The following RHOJ variants were observed in gnomAD, a reference collection of about 807,000 sequenced individuals.
RHOJ encodes the protein ras homolog family member J.
A neutral mutation model predicts 23.4 loss-of-function variants in RHOJ; 11 were observed. The observed-to-expected ratio is 0.47, with a 90% CI of 0.30 to 0.78. The LOEUF (loss-of-function observed/expected upper bound fraction) is 0.78. Ranked by LOEUF, RHOJ falls within the 30% of genes least tolerant of loss-of-function variation. The pLI, the probability that RHOJ is intolerant of heterozygous loss-of-function variation, is 0.08. For missense variants in RHOJ, 254 were observed against 273.4 expected (o/e 0.93, Z 0.50); for synonymous variants, 102 against 102.7 (o/e 0.99, Z 0.04).
chr14:63,261,718 G>A (rs1895276477), intron 1 of RHOJ, among the ~76,000 whole-genome samples: 1 of 151,862 alleles, frequency 6.6e-6, no homozygotes, highest in East Asian at 1.9e-4. Flanking sequence ...TGCAATTACA[G>A]GCATGAGCCA....
intron 1 of RHOJ, among the ~76,000 whole-genome samples, chr14:63,256,489 C>T (rs560543637): frequency 3.3e-5 from 5 of 152,242 alleles, no homozygotes; most frequent in Non-Finnish European, 7.4e-5. Flanking sequence ...GCCAGAGCGA[C>T]AGCAAAGGTA....
chr14:63,213,062 G>C (rs1894275729), intron 1 of RHOJ, among the ~76,000 whole-genome samples: 1 of 152,220 alleles, frequency 6.6e-6, no homozygotes, highest in Non-Finnish European at 1.5e-5. Flanking sequence ...TACTATGTAA[G>C]CTAAGATGCT....
intron 1 of RHOJ, among the ~76,000 whole-genome samples, chr14:63,215,213 A>T (rs890094739): frequency 6.6e-6 from 1 of 152,194 alleles, no homozygotes; most frequent in Non-Finnish European, 1.5e-5. Context: ...AAAGACCTCT[A>T]CTTAGGTCTT....
intron 1 of RHOJ, among the ~76,000 whole-genome samples, chr14:63,249,297 G>T (rs2139638492): frequency 6.6e-6 from 1 of 152,324 alleles, no homozygotes; most frequent in East Asian, 1.9e-4. Context: ...GCTAACAAGT[G>T]CATAGTCTTG....
At chr14:63,205,909 A>G (rs1177243307) in intron 1 of RHOJ, among the ~76,000 whole-genome samples, 1 of 152,206 alleles carries the variant, frequency 6.6e-6, no homozygotes, top group Non-Finnish European at 1.5e-5. Context: ...AAGTTTATCA[A>G]AAGCAAGTTA....
chr14:63,206,931 T>A (rs1894123001), intron 1 of RHOJ, among the ~76,000 whole-genome samples: 1 of 152,182 alleles, frequency 6.6e-6, no homozygotes, highest in Non-Finnish European at 1.5e-5. Flanking sequence ...TCTTTAAGTA[T>A]ATAATCGTCT....
intron 1 of RHOJ, among the ~76,000 whole-genome samples, chr14:63,230,531 A>T (rs1894671386): frequency 6.6e-6 from 1 of 152,194 alleles, no homozygotes. Context: ...CCCAGTACTC[A>T]CATGACTGTC....
chr14:63,270,640 T>G (rs950906224), intron 2 of RHOJ, among the ~76,000 whole-genome samples: 6 of 152,232 alleles, frequency 3.9e-5, no homozygotes, highest in African/African-American at 1.4e-4. Flanking sequence ...CCTGCTCTAA[T>G]TCACTCACAT....
At chr14:63,262,103 C>A (rs1402458724) in intron 1 of RHOJ, among the ~76,000 whole-genome samples, 1 of 152,204 alleles carries the variant, frequency 6.6e-6, no homozygotes, top group South Asian at 2.1e-4. Context: ...TCCAACATTT[C>A]TCTTGAAAGC....
chr14:63,234,229 GAGTGGGTCAAGCATAC>G lies in RHOJ; in HGVS notation c.178+29198_178+29213del, dbSNP rs1420338813. On this transcript the variant is annotated intron_variant, in intron 1 of 4. Transcript: ENST00000316754. ...CCCATGTATTCTACAAATATTTATTGAGTGGGTCAAGCATACAGTGGGTCAAGCATATAGTACCTTA... is the reference window on the plus strand; with the variant it reads ...CCCATGTATTCTACAAATATTTATTGAGTGGGTCAAGCATATAGTACCTTA... Among the ~76,000 whole-genome samples, 6 of 152,146 alleles carry G rather than the reference GAGTGGGTCAAGCATAC, an allele frequency of 3.9e-5. No homozygotes were observed. In the East Asian group the frequency reaches 9.6e-4, roughly 24 times the overall value.
At chr14:63,265,060 G>A (rs569492744) in intron 1 of RHOJ, among the ~76,000 whole-genome samples, 2 of 152,128 alleles carry the variant, frequency 1.3e-5, no homozygotes, top group East Asian at 3.9e-4. Flanking sequence ...TTTTGTTTTG[G>A]TTGCAATTGC....
chr14:63,207,317 A>T (rs117461295), intron 1 of RHOJ, among the ~76,000 whole-genome samples: 24,703 of 151,988 alleles, frequency 0.16, 2,784 homozygotes, highest in African/African-American at 0.32. Flanking sequence ...GGCGTGAGCC[A>T]CCGCGCCCAA....
chr14:63,221,622 A>G (rs535416006), intron 1 of RHOJ, among the ~76,000 whole-genome samples: 95 of 152,352 alleles, frequency 6.2e-4, no homozygotes, highest in Non-Finnish European at 1.2e-3. Context: ...GGATGTGCCC[A>G]AGGAGTTCAT....
rs536825419 is a variant in RHOJ at position 63,258,184 on chromosome 14, C to T, written c.179-10926C>T. 8.2e-5 allele frequency among the ~76,000 whole-genome samples: 12 copies of T among 146,384 alleles called. 1 individual carries two copies. Among genetic ancestry groups the T allele is most frequent in the East Asian group, 2.1e-4 (1 of 4,756 alleles). ...TGGAGGTTGCAGTGAGCCAAGATCA[C>T]GCCATTGCACTCCAGCCTGGGCAAC... On this transcript the variant is annotated intron_variant, in intron 1 of 4. Transcript: ENST00000316754.
intron 1 of RHOJ, among the ~76,000 whole-genome samples, chr14:63,236,759 A>ACG (rs1894797386): frequency 6.7e-6 from 1 of 150,042 alleles, no homozygotes; most frequent in Non-Finnish European, 1.5e-5. Flanking sequence ...ACACACACAC[A>ACG]CACACACACA....
intron 2 of RHOJ, among the ~76,000 whole-genome samples, chr14:63,275,070 T>C (rs1881675213): frequency 6.6e-6 from 1 of 152,138 alleles, no homozygotes; most frequent in Non-Finnish European, 1.5e-5. Flanking sequence ...TTGCTAGAAA[T>C]GCACATTCTT....
At chr14:63,257,692 A>G (rs2139646455) in intron 1 of RHOJ, among the ~76,000 whole-genome samples, 1 of 146,852 alleles carries the variant, frequency 6.8e-6, no homozygotes, top group Middle Eastern at 3.5e-3. Flanking sequence ...CCCTGCAAAT[A>G]TGACTTTTTT....
intron 2 of RHOJ, among the ~76,000 whole-genome samples, chr14:63,271,769 GT>G (rs952647370): frequency 1.3e-5 from 2 of 151,906 alleles, no homozygotes; most frequent in African/African-American, 4.8e-5. Context: ...TAATTTTTGT[GT>G]TTTTTTTCTA....
At chr14:63,272,898 C>T (rs1311021063) in intron 2 of RHOJ, among the ~76,000 whole-genome samples, 6 of 152,176 alleles carry the variant, frequency 3.9e-5, no homozygotes, top group East Asian at 1.9e-4. Context: ...TGGCGCGCAC[C>T]TGTAATCCCA....
Sources: gnomAD v4.1 joint callset for allele counts (sites outside exome capture counted in the v4.1 genomes callset) on GRCh38, gnomAD v4.1.1 for gene constraint, MANE v1.5 for transcripts, NCBI Gene and HGNC (gene_info 2026-07-23, HGNC 2026-07-21) for gene names.